Variants in NRG4 observed in about 807,000 individuals in gnomAD.
The protein encoded by NRG4 is pro-neuregulin-4, membrane-bound isoform.
A neutral mutation model predicts 15.0 loss-of-function variants in NRG4; 10 were observed. That is an observed-to-expected ratio of 0.67 (90% CI 0.41 to 1.13). NRG4 has a LOEUF of 1.13. NRG4 is among the 50% of genes most tolerant of loss of function. The pLI is 0.00. For synonymous variants in NRG4, 41 were observed against 50.1 expected, an observed-to-expected ratio of 0.82 and a Z score of 0.77; for missense variants, 139 against 140.2, an observed-to-expected ratio of 0.99 and a Z score of 0.04.
At chr15:75,989,035 T>C (rs956784987) in intron 3 of NRG4, among the ~76,000 whole-genome samples, 4 of 151,998 alleles carry the variant, frequency 2.6e-5, no homozygotes, top group Non-Finnish European at 5.9e-5. Context: ...TTTTAAATTT[T>C]TTTGTAGAGA....
rs138079017 is a variant in NRG4, at chr15:75,987,603, G to A, written c.104+21597C>T. ...GTATGCAGCACGAAGATGTCCATCT[G>A]CAAACCAGAAAGAGGGCCCTCACCA... On this transcript the variant is annotated intron_variant, in intron 3 of 5. Coordinates refer to ENST00000394907, the MANE Select transcript of NRG4 (RefSeq NM_138573.4). Among the ~76,000 whole-genome samples the A allele has an allele frequency of 3.7e-4, 56 of 152,284 alleles. No individual in the cohort carries two copies. The East Asian group carries it at 0.01, about 28-fold the overall frequency.
At chr15:76,060,184 G>A (rs76720715), upstream of NRG4, among the ~76,000 whole-genome samples, 1,705 of 152,096 alleles carry the variant, frequency 0.011, 39 homozygotes, top group African/African-American at 0.039. Context: ...GGAGCCAGGC[G>A]AGGGTGCGTG....
chr15:75,961,240 G>T (rs1403419067), intron 4 of NRG4, among the ~76,000 whole-genome samples: 2 of 151,336 alleles, frequency 1.3e-5, no homozygotes, highest in Non-Finnish European at 2.9e-5. Flanking sequence ...CAAAACGAAT[G>T]AAAGTAATCT....
intron 5 of NRG4, among the ~76,000 whole-genome samples, chr15:75,948,365 T>C (rs180825192): frequency 6.6e-6 from 1 of 152,214 alleles, no homozygotes; most frequent in Non-Finnish European, 1.5e-5. Flanking sequence ...AATCTCGTGA[T>C]CTCGGCTCAC....
chr15:76,045,434 A>G (rs2035847751), intron 4 of NRG4, among the ~76,000 whole-genome samples: 1 of 151,022 alleles, frequency 6.6e-6, no homozygotes, highest in Non-Finnish European at 1.5e-5. Context: ...ATATACACCC[A>G]AAAGAAAGGA....
At chr15:76,029,505 A>G (rs2035413435) in intron 5 of NRG4, among the ~76,000 whole-genome samples, 1 of 152,212 alleles carries the variant, frequency 6.6e-6, no homozygotes, top group Admixed American at 6.5e-5. Flanking sequence ...TTTGCAGATG[A>G]CATGATCTTC....
chr15:76,033,925 A>T (rs902530610), intron 5 of NRG4, among the ~76,000 whole-genome samples: 6 of 152,190 alleles, frequency 3.9e-5, no homozygotes, highest in Non-Finnish European at 7.3e-5. Context: ...AACTTTTCTA[A>T]TTTTTATGGT....
chr15:75,970,450 T>C (rs560037186), intron 3 of NRG4, among the ~76,000 whole-genome samples: 17 of 152,322 alleles, frequency 1.1e-4, no homozygotes, highest in African/African-American at 2.9e-4. Flanking sequence ...TATCGAAGAC[T>C]GGGGGTGCTA....
chr15:75,965,779 G>A (rs1224114226), intron 3 of NRG4, among the ~76,000 whole-genome samples: 1 of 152,164 alleles, frequency 6.6e-6, no homozygotes, highest in Non-Finnish European at 1.5e-5. Context: ...AAGTAAGGGT[G>A]GATTAAGTGG....
intron 4 of NRG4, among the ~76,000 whole-genome samples, chr15:76,041,261 A>G (rs796592456): frequency 4.1e-4 from 62 of 152,304 alleles, no homozygotes; most frequent in African/African-American, 1.4e-3. Context: ...AGAGAAGACC[A>G]TAAAACAACC....
chr15:75,984,787 A>G (rs1000234343), intron 3 of NRG4, among the ~76,000 whole-genome samples: 1 of 152,008 alleles, frequency 6.6e-6, no homozygotes, highest in Admixed American at 6.6e-5. Flanking sequence ...AAAGTATAAT[A>G]AAAAAAATTG....
intron 3 of NRG4, among the ~76,000 whole-genome samples, chr15:76,003,117 TTC>T (rs1162036241): frequency 6.6e-6 from 1 of 152,148 alleles, no homozygotes; most frequent in Non-Finnish European, 1.5e-5. Flanking sequence ...AAAGAGTATA[TTC>T]TCTCACTATA....
At chr15:76,007,848 T>C (rs981303903) in intron 3 of NRG4, among the ~76,000 whole-genome samples, 3 of 152,188 alleles carry the variant, frequency 2.0e-5, no homozygotes, top group Non-Finnish European at 4.4e-5. Flanking sequence ...GTGAGTTGTA[T>C]TCAAAGGTGA....
rs912887233 is a variant in NRG4 at position 75,943,201 on chromosome 15, A to G, written c.*437T>C. On this transcript the variant is annotated 3_prime_UTR_variant, in exon 6 of 6. Coordinates refer to ENST00000394907, the MANE Select transcript of NRG4 (RefSeq NM_138573.4). Reference sequence around the variant, plus strand: ...GGTGAAATGTCTTCTCAGTTTTTTCATCAGTACTTGCAGCTTCTCAGATAA... The same window carrying G: ...GGTGAAATGTCTTCTCAGTTTTTTCGTCAGTACTTGCAGCTTCTCAGATAA... The G allele has an allele frequency of 2.5e-5, 4 of 157,632 alleles. No individual in the cohort carries two copies. The highest frequency in any genetic ancestry group is 7.2e-5 in the African/African-American group (3 of 41,650). 9.8% of individuals were successfully genotyped at this position (157,632 alleles called of 1,614,324 possible). A position where few individuals can be genotyped will look rare whatever the true frequency, so the allele number is the denominator to read the frequency against.
At chr15:75,971,938 C>A (rs539287891) in intron 3 of NRG4, among the ~76,000 whole-genome samples, 3 of 152,260 alleles carry the variant, frequency 2.0e-5, no homozygotes, top group South Asian at 2.1e-4. Flanking sequence ...CTTGAGGAAT[C>A]CCCACACTGT....
chr15:76,029,636 TTAAC>T (rs1468981399), intron 5 of NRG4, among the ~76,000 whole-genome samples: 2 of 152,054 alleles, frequency 1.3e-5, no homozygotes, highest in Non-Finnish European at 2.9e-5. Context: ...ACATGGATGA[TTAAC>T]TAAACTGAAA....
At chr15:76,028,236 GAT>G (rs1439708545) in intron 5 of NRG4, among the ~76,000 whole-genome samples, 2 of 151,362 alleles carry the variant, frequency 1.3e-5, no homozygotes, top group African/African-American at 4.9e-5. Context: ...TATTTGAAAA[GAT>G]AAACAAAATT....
At chr15:76,047,309 G>A (rs1337614169) in intron 4 of NRG4, among the ~76,000 whole-genome samples, 1 of 150,552 alleles carries the variant, frequency 6.6e-6, no homozygotes, top group Non-Finnish European at 1.5e-5. Flanking sequence ...TATATCAAAG[G>A]GCTATCTGCA....
chr15:76,009,246 C>A lies in NRG4; in HGVS notation c.58G>T (p.Gly20Trp), dbSNP rs2034718454. 2 of 1,605,064 alleles carry A rather than the reference C, an allele frequency of 1.2e-6. No homozygotes were observed. Among genetic ancestry groups the A allele is most frequent in the East Asian group, 2.2e-5 (1 of 44,676 alleles). ...GPSHKSFCLN[G>W]GLCYVIPTIP... ...GTAGGTATCACATAACAAAGCCCCC[C>A]ATTCAGGCAAAACGACTTGTGACTG... Residue 20 changes from glycine to tryptophan, a missense_variant, in exon 3 of 6, where the codon GGG (glycine) becomes TGG (tryptophan). By Grantham distance (184) the Gly-to-Trp change is radical. Coordinates refer to ENST00000394907, the MANE Select transcript of NRG4 (RefSeq NM_138573.4).
Sources: gnomAD v4.1 joint callset for allele counts (sites outside exome capture counted in the v4.1 genomes callset) on GRCh38, gnomAD v4.1.1 for gene constraint, MANE v1.5 for transcripts, NCBI Gene and HGNC (gene_info 2026-07-23, HGNC 2026-07-21) for gene names.